The following CADPS variants were observed in gnomAD, a reference collection of about 807,000 sequenced individuals.
CADPS encodes calcium-dependent secretion activator 1.
A neutral mutation model predicts 167.3 loss-of-function variants in CADPS; 57 were observed. The ratio of observed to expected loss-of-function variants is 0.34; its 90% CI spans 0.28 to 0.42. The LOEUF (loss-of-function observed/expected upper bound fraction) is 0.42. CADPS is among the 20% of genes least tolerant of loss of function. CADPS has a pLI of 1.00. For synonymous variants in CADPS, 676 were observed against 635.3 expected (o/e 1.06, Z -0.96); for missense variants, 1,414 against 1,738.1 (o/e 0.81, Z 3.32).
chr3:62,602,644 A>C lies in CADPS; in HGVS notation c.1326-9896T>G, dbSNP rs2060140289. Among the ~76,000 whole-genome samples, 1 of 152,164 alleles carries C rather than the reference A, an allele frequency of 6.6e-6. No individual in the cohort carries two copies. The highest frequency in any genetic ancestry group is 2.4e-5 in the African/African-American group (1 of 41,432). On this transcript the variant is annotated intron_variant, in intron 6 of 29. Coordinates refer to ENST00000383710, the MANE Select transcript of CADPS (RefSeq NM_003716.4). The surrounding 1 kb of genome is among the most constrained non-coding windows in gnomAD (Gnocchi z 4.4). Reference sequence around the variant, plus strand: ...TTTGGGTTCTTTAGTGTACTAGAAAAGCTAAGCTACCTCTCATCTACATAA... The same window carrying C: ...TTTGGGTTCTTTAGTGTACTAGAAACGCTAAGCTACCTCTCATCTACATAA...
At chr3:62,532,799 C>A in intron 13 of CADPS, 72 bp downstream of exon 13, 1 of 1,404,930 alleles carries the variant, frequency 7.1e-7, no homozygotes. Flanking sequence ...ATCCTAAAAG[C>A]AAGACTAGCC....
rs34002756 is a variant in CADPS at position 62,428,296 on chromosome 3, C to CTTTTTTTTT, written c.3777+9799_3777+9807dup. ...TTGCAGCCACCTGGTGGAAGCAAGA[C>CTTTTTTTTT]TTTTTTTTTTTTTTTTTTTTTTTTT... On this transcript the variant is annotated intron_variant, in intron 28 of 29. Transcript: ENST00000383710. Among the ~76,000 whole-genome samples, 4 of 64,642 alleles carry CTTTTTTTTT rather than the reference C, an allele frequency of 6.2e-5. 1 individual carries two copies. Among genetic ancestry groups the CTTTTTTTTT allele is most frequent in the African/African-American group, 2.4e-4 (3 of 12,412 alleles). 42.4% of individuals were successfully genotyped at this position (64,642 alleles called of 152,430 possible). A position where few individuals can be genotyped will look rare whatever the true frequency, so the allele number is the denominator to read the frequency against.
chr3:62,802,447 C>T (rs1161827919), intron 1 of CADPS, among the ~76,000 whole-genome samples: 1 of 152,136 alleles, frequency 6.6e-6, no homozygotes, highest in African/African-American at 2.4e-5. Context: ...ATTCACTGAG[C>T]CACCTCCCAC....
chr3:62,546,214 T>G (rs1577522119), intron 11 of CADPS, among the ~76,000 whole-genome samples: 1 of 152,084 alleles, frequency 6.6e-6, no homozygotes, highest in Non-Finnish European at 1.5e-5. Context: ...AATAAATCAG[T>G]GTATAGATTG....
chr3:62,430,677 T>A (rs985025625), intron 28 of CADPS, among the ~76,000 whole-genome samples: 1 of 151,874 alleles, frequency 6.6e-6, no homozygotes, highest in Non-Finnish European at 1.5e-5. Flanking sequence ...TACATACACA[T>A]ACACACACAC....
At chr3:62,418,771 C>T (rs1476498659) in intron 28 of CADPS, among the ~76,000 whole-genome samples, 1 of 152,100 alleles carries the variant, frequency 6.6e-6, no homozygotes, top group Non-Finnish European at 1.5e-5. Context: ...ATACCTTCCC[C>T]CCTCTATCTC....
chr3:62,456,994 C>T (rs372045416), intron 26 of CADPS, among the ~76,000 whole-genome samples: 15 of 151,980 alleles, frequency 9.9e-5, no homozygotes, highest in Admixed American at 7.9e-4. Context: ...AAAGTTCCTT[C>T]GATTGAATGC....
At chr3:62,796,524 TGAA>T (rs1188185622) in intron 1 of CADPS, 1 of 152,158 alleles carries the variant, frequency 6.6e-6, no homozygotes, top group Non-Finnish European at 1.5e-5. Context: ...ATGAAATCCG[TGAA>T]GGAGTTACAT....
intron 21 of CADPS, among the ~76,000 whole-genome samples, chr3:62,490,176 G>A (rs576007426): frequency 1.3e-5 from 2 of 152,280 alleles, no homozygotes; most frequent in African/African-American, 4.8e-5. Context: ...TCCAAACTGA[G>A]GAAAGGCCTC....
intron 3 of CADPS, among the ~76,000 whole-genome samples, chr3:62,668,929 C>G (rs1042866584): frequency 6.6e-6 from 1 of 152,224 alleles, no homozygotes; most frequent in Non-Finnish European, 1.5e-5. Context: ...ACCAAATTCC[C>G]AATCAGCTAA....
intron 28 of CADPS, among the ~76,000 whole-genome samples, chr3:62,415,243 A>G (rs1042283002): frequency 6.6e-6 from 1 of 152,126 alleles, no homozygotes; most frequent in Non-Finnish European, 1.5e-5. Flanking sequence ...ATTGTGGCAC[A>G]TTTTATCAAA....
intron 9 of CADPS, among the ~76,000 whole-genome samples, chr3:62,561,421 T>G (rs1401905943): frequency 6.6e-6 from 1 of 151,690 alleles, no homozygotes; most frequent in Non-Finnish European, 1.5e-5. Context: ...CCTGGCTATT[T>G]TTTTTTTTTT....
intron 28 of CADPS, among the ~76,000 whole-genome samples, chr3:62,410,681 G>A (rs1041345557): frequency 1.3e-5 from 2 of 152,198 alleles, no homozygotes; most frequent in African/African-American, 4.8e-5. Flanking sequence ...GGTGCTGAGT[G>A]CTTATAACAG....
Position 62,479,569 on chromosome 3 carries a change from C to T in CADPS, c.3174-1153G>A, listed in dbSNP as rs184794543. ...AAATGCATACACAGCTACTGCAGGG[C>T]GGGGAGGGGGCACACGCCCAAGCAT... On this transcript the variant is annotated intron_variant, in intron 22 of 29. Coordinates refer to ENST00000383710, the MANE Select transcript of CADPS (RefSeq NM_003716.4). Among the ~76,000 whole-genome samples the T allele has an allele frequency of 4.4e-4, 67 of 152,314 alleles. 1 individual carries two copies. The highest frequency in any genetic ancestry group is 1.4e-3 in the African/African-American group (57 of 41,564).
intron 6 of CADPS, among the ~76,000 whole-genome samples, chr3:62,634,548 C>A (rs1330539252): frequency 3.9e-5 from 6 of 152,186 alleles, no homozygotes; most frequent in South Asian, 2.1e-4. Context: ...GCTTGTATTA[C>A]AGACATTGTC....
intron 1 of CADPS, among the ~76,000 whole-genome samples, chr3:62,860,507 G>A (rs1442632604): frequency 5.3e-5 from 8 of 152,140 alleles, no homozygotes; most frequent in Admixed American, 3.3e-4. Flanking sequence ...AACCTGCATA[G>A]GAAGTCAGCC....
chr3:62,655,105 C>A (rs1339015252), intron 4 of CADPS, among the ~76,000 whole-genome samples: 3 of 152,072 alleles, frequency 2.0e-5, no homozygotes, highest in African/African-American at 7.2e-5. Flanking sequence ...TTGGACAGTT[C>A]CTAATGACAT....
Position 62,855,091 on chromosome 3 carries a change from A to AT in CADPS, c.441+19497dup, listed in dbSNP as rs554197608. 3.1e-3 allele frequency among the ~76,000 whole-genome samples: 285 copies of AT among 92,712 alleles called. 5 individuals are homozygous for AT. Among genetic ancestry groups the AT allele is most frequent in the South Asian group, 0.015 (30 of 2,024 alleles). The allele number at this position is 92,712 out of a possible 152,430, so 60.8% of individuals were successfully genotyped here. ...AGGCACGTGCCATCATGCCCGGCTA[A>AT]TTTTTTTTTTTTTTTTTTGTCTTTT... is the stretch of plus-strand genomic sequence containing the variant. On this transcript the variant is annotated intron_variant, in intron 1 of 29. Transcript: ENST00000383710.
chr3:62,684,100 T>C (rs770383429), intron 3 of CADPS, among the ~76,000 whole-genome samples: 5 of 152,078 alleles, frequency 3.3e-5, no homozygotes, highest in Non-Finnish European at 7.4e-5. Context: ...GCTCCACGTC[T>C]TTGGGGTGTA....
Sources: gnomAD v4.1 joint callset for allele counts (sites outside exome capture counted in the v4.1 genomes callset) on GRCh38, gnomAD v4.1.1 for gene constraint, Gnocchi (gnomAD v3.1) non-coding constraint, MANE v1.5 for transcripts, NCBI Gene and HGNC (gene_info 2026-07-23, HGNC 2026-07-21) for gene names.